Variants in ASPA observed in about 807,000 individuals in gnomAD.
The protein encoded by ASPA is ACY-2.
In ASPA, 25 loss-of-function variants were observed where a neutral mutation model predicts 29.6. The observed-to-expected ratio is 0.85, with a 90% CI of 0.62 to 1.18. The LOEUF is 1.18. Among genes scored for constraint, ASPA ranks in the 50% most tolerant of loss-of-function variants. The pLI, the probability that ASPA is intolerant of heterozygous loss-of-function variation, is 0.00. For synonymous variants in ASPA, 131 were observed against 130.3 expected, an observed-to-expected ratio of 1.01 and a Z score of -0.04; for missense variants, 333 against 385.7, an observed-to-expected ratio of 0.86 and a Z score of 1.14.
In ASPA at chr17:3,501,737, G is replaced by A. The variant is rs2073991744; in HGVS notation, c.*2649G>A. On this transcript the variant is annotated 3_prime_UTR_variant, in exon 6 of 6. Transcript: ENST00000263080. ...AGGCCAAGGCAGACAGAGCACCTGA[G>A]GTAAGGAGTTCGAGACCAGCCTGGC... 6.5e-6 allele frequency: 1 copy of A among 152,922 alleles called. No individual in the cohort carries two copies. The highest frequency in any genetic ancestry group is 1.5e-5 in the Non-Finnish European group (1 of 68,588). The allele number at this position is 152,922 out of a possible 1,614,324, so 9.5% of individuals were successfully genotyped here. A position where few individuals can be genotyped will look rare whatever the true frequency, so the allele number is the denominator to read the frequency against.
In ASPA at chr17:3,476,206, T is replaced by C. The variant is rs769653717; in HGVS notation, c.47T>C (p.Ile16Thr). The change falls in exon 1 of 6, where the codon ATC (isoleucine) becomes ACC (threonine). Residue 16 changes from isoleucine (I) to threonine (T), a missense_variant. Physicochemically the swap from Ile to Thr is moderately conservative, Grantham distance 89. Transcript: ENST00000263080. ...IAEEHIQKVAIFGGTHGNELT... is the reference protein window; with the variant it reads ...IAEEHIQKVATFGGTHGNELT... Reference sequence around the variant, plus strand: ...GAAGAACATATACAAAAGGTTGCTATCTTTGGAGGAACCCATGGGAATGAG... The same window carrying C: ...GAAGAACATATACAAAAGGTTGCTACCTTTGGAGGAACCCATGGGAATGAG... 3.7e-6 allele frequency: 6 copies of C among 1,614,112 alleles called. No individual in the cohort carries two copies. Among genetic ancestry groups the C allele is most frequent in the African/African-American group, 1.3e-5 (1 of 75,040 alleles).
In ASPA at chr17:3,499,971, A is replaced by G. The variant is rs1011704993; in HGVS notation, c.*883A>G. The stretch of plus-strand genomic sequence containing the variant: ...GATCTTGAAGAAAATTAAAAATTCT[A>G]CTCCAGTGCACACACACAAATGATA... On this transcript the variant is annotated 3_prime_UTR_variant, in exon 6 of 6. Coordinates refer to ENST00000263080, the MANE Select transcript of ASPA (RefSeq NM_000049.4). The G allele has an allele frequency of 6.6e-6, 1 of 152,186 alleles. No homozygotes were observed. Among genetic ancestry groups the G allele is most frequent in the Non-Finnish European group, 1.5e-5 (1 of 68,040 alleles). 9.4% of individuals were successfully genotyped at this position (152,186 alleles called of 1,614,324 possible). A position where few individuals can be genotyped will look rare whatever the true frequency, so the allele number is the denominator to read the frequency against.
In ASPA at chr17:3,499,186, T is replaced by C; in HGVS notation, c.*98T>C. The C allele has an allele frequency of 7.6e-7, 1 of 1,314,774 alleles. No homozygotes were observed. The highest frequency in any genetic ancestry group is 1.5e-5 in the African/African-American group (1 of 68,184). 81.4% of individuals were successfully genotyped at this position (1,314,774 alleles called of 1,614,324 possible). A position where few individuals can be genotyped will look rare whatever the true frequency, so the allele number is the denominator to read the frequency against. On this transcript the variant is annotated 3_prime_UTR_variant, in exon 6 of 6. Transcript: ENST00000263080. The stretch of plus-strand genomic sequence containing the variant: ...GTTGTGCCTTATTCAACTGCATACA[T>C]AGCTCCTAGCACAGTGCCTTATTCG...
chr17:3,487,385 A>G (rs2029350), intron 3 of ASPA, among the ~76,000 whole-genome samples: 36,616 of 152,116 alleles, frequency 0.24, 4,739 homozygotes, highest in East Asian at 0.46. Context: ...AATTATTTAC[A>G]ATGAGCTTAA....
chr17:3,487,693 T>C (rs2073750373), intron 3 of ASPA, among the ~76,000 whole-genome samples: 1 of 152,212 alleles, frequency 6.6e-6, no homozygotes, highest in South Asian at 2.1e-4. Context: ...ATTCCTTCAT[T>C]CTTAAATCAT....
intron 4 of ASPA, among the ~76,000 whole-genome samples, chr17:3,491,179 G>A (rs2073818192): frequency 6.6e-6 from 1 of 152,128 alleles, no homozygotes; most frequent in Non-Finnish European, 1.5e-5. Context: ...AAAACATCCT[G>A]GTTGAGAAGG....
chr17:3,496,036 T>A (rs1016585439), intron 5 of ASPA, among the ~76,000 whole-genome samples: 1 of 152,084 alleles, frequency 6.6e-6, no homozygotes, highest in Admixed American at 6.5e-5. Context: ...ACAAAAATAA[T>A]CCCAGGCAGA....
At chr17:3,493,318 T>C (rs908266990) in intron 4 of ASPA, among the ~76,000 whole-genome samples, 3 of 152,102 alleles carry the variant, frequency 2.0e-5, no homozygotes, top group South Asian at 2.1e-4. Context: ...ATCCCAGCAC[T>C]TGGGGAGGCT....
chr17:3,484,879 CTG>C (rs2073692921), intron 3 of ASPA, among the ~76,000 whole-genome samples: 1 of 152,208 alleles, frequency 6.6e-6, no homozygotes, highest in Non-Finnish European at 1.5e-5. Context: ...ACTTGATACA[CTG>C]TGTTCTCCAT....
intron 4 of ASPA, among the ~76,000 whole-genome samples, chr17:3,492,532 T>A (rs1167584211): frequency 1.3e-5 from 2 of 152,218 alleles, no homozygotes; most frequent in Non-Finnish European, 2.9e-5. Context: ...AGATAGAGTC[T>A]ATTTTTCCAC....
chr17:3,487,194 G>C (rs1223431862), intron 3 of ASPA, among the ~76,000 whole-genome samples: 1 of 152,142 alleles, frequency 6.6e-6, no homozygotes, highest in Non-Finnish European at 1.5e-5. Flanking sequence ...GGTGGTCCTT[G>C]TAGGTGCCTA....
intron 4 of ASPA, among the ~76,000 whole-genome samples, chr17:3,493,935 TAACTA>T (rs2073867360): frequency 6.6e-6 from 1 of 152,230 alleles, no homozygotes; most frequent in South Asian, 2.1e-4. Flanking sequence ...TGAACATCCT[TAACTA>T]AACGTTATCT....
chr17:3,486,742 AT>A (rs1457870194), intron 3 of ASPA, among the ~76,000 whole-genome samples: 2 of 152,252 alleles, frequency 1.3e-5, no homozygotes, highest in Non-Finnish European at 2.9e-5. Flanking sequence ...GGCAAACAAT[AT>A]AAATAAATTA....
At chr17:3,484,534 G>A (rs2073686939) in intron 3 of ASPA, among the ~76,000 whole-genome samples, 1 of 151,990 alleles carries the variant, frequency 6.6e-6, no homozygotes, top group Non-Finnish European at 1.5e-5. Context: ...GGGAGGAAAG[G>A]AAAAAAATTG....
Position 3,485,385 on chromosome 17 carries a change from A to G in ASPA, c.526+1793A>G, listed in dbSNP as rs1046625545. ...ATCCATTCCTTCCCATGCAGGTTCTATAACTATAACCATATATAAAATACT... is the reference window on the plus strand; with the variant it reads ...ATCCATTCCTTCCCATGCAGGTTCTGTAACTATAACCATATATAAAATACT... On this transcript the variant is annotated intron_variant, in intron 3 of 5. Coordinates refer to ENST00000263080, the MANE Select transcript of ASPA (RefSeq NM_000049.4). This position sits in a 1 kb window ranked among gnomAD's most constrained non-coding sequence, Gnocchi z 4.4. Among the ~76,000 whole-genome samples, 7 of 152,150 alleles carry G rather than the reference A, an allele frequency of 4.6e-5. No individual in the cohort carries two copies. Among genetic ancestry groups the G allele is most frequent in the African/African-American group, 1.4e-4 (6 of 41,420 alleles).
At chr17:3,491,173 C>T (rs1294075138) in intron 4 of ASPA, among the ~76,000 whole-genome samples, 1 of 152,204 alleles carries the variant, frequency 6.6e-6, no homozygotes, top group Non-Finnish European at 1.5e-5. Flanking sequence ...AGCAGGAAAA[C>T]ATCCTGGTTG....
At chr17:3,476,483 A>G in intron 1 of ASPA, 88 bp downstream of exon 1, 1 of 1,177,536 alleles carries the variant, frequency 8.5e-7, no homozygotes, top group Non-Finnish European at 1.3e-6. Flanking sequence ...GTATATGCAG[A>G]TGATAATTCA....
intron 4 of ASPA, 84 bp downstream of exon 4, chr17:3,489,426 C>A (rs868350167): frequency 3.4e-6 from 4 of 1,185,368 alleles, no homozygotes; most frequent in East Asian, 2.4e-5. Context: ...ATTTGCCATG[C>A]TAAAGATATG....
Position 3,476,066 on chromosome 17 carries a change from T to C in ASPA, c.-94T>C. On this transcript the variant is annotated 5_prime_UTR_variant, in exon 1 of 6. Transcript: ENST00000263080. The stretch of plus-strand genomic sequence containing the variant: ...TCTGTACTTTGCCCTTTGGGTAAAG[T>C]CTCATTTACATTTCTAAACCTTTCT... 1 of 1,190,954 alleles carries C rather than the reference T, an allele frequency of 8.4e-7. No homozygotes were observed. The highest frequency in any genetic ancestry group is 1.2e-6 in the Non-Finnish European group (1 of 815,592). 73.8% of individuals were successfully genotyped at this position (1,190,954 alleles called of 1,614,324 possible). A position where few individuals can be genotyped will look rare whatever the true frequency, so the allele number is the denominator to read the frequency against.
Sources: gnomAD v4.1 joint callset for allele counts (sites outside exome capture counted in the v4.1 genomes callset) on GRCh38, gnomAD v4.1.1 for gene constraint, Gnocchi (gnomAD v3.1) non-coding constraint, MANE v1.5 for transcripts, NCBI Gene and HGNC (gene_info 2026-07-23, HGNC 2026-07-21) for gene names.